The following GAN variants were observed in gnomAD, a reference collection of about 807,000 sequenced individuals.
The protein encoded by GAN is epididymis secretory sperm binding protein.
Under a neutral mutation model 71.3 loss-of-function variants are expected in GAN, and 48 were observed. The observed-to-expected ratio is 0.67, with a 90% CI of 0.53 to 0.86. The LOEUF is 0.86. Among genes scored for constraint, GAN ranks in the 40% least tolerant of loss-of-function variants. The pLI is 0.00. For synonymous variants in GAN, 386 were observed against 276.8 expected (o/e 1.39, Z -3.92); for missense variants, 928 against 770.1 (o/e 1.21, Z -2.43).
Position 81,351,606 on chromosome 16 carries a change from C to G in GAN, c.191C>G (p.Pro64Arg). 3 of 1,515,574 alleles carry G rather than the reference C, an allele frequency of 2.0e-6. No homozygotes were observed. Among genetic ancestry groups the G allele is most frequent in the Non-Finnish European group, 2.8e-6 (3 of 1,089,960 alleles). The allele number at this position is 1,515,574 out of a possible 1,614,324, so 93.9% of individuals were successfully genotyped here. A position where few individuals can be genotyped will look rare whatever the true frequency, so the allele number is the denominator to read the frequency against. The change falls in exon 2 of 11, where the codon CCA becomes CGA. Residue 64 changes from proline to arginine, a missense_variant. Physicochemically the swap from Pro to Arg is moderately radical, Grantham distance 103. Transcript: ENST00000648994. Reference protein sequence around the residue: ...YIRTKLNYNPPKDDGSTYKIE... With the variant: ...YIRTKLNYNPRKDDGSTYKIE... ...AGGACAAAGTTAAACTATAATCCTCCAAAAGATGATGGATCAACTTATAAG... is the reference window on the plus strand; with the variant it reads ...AGGACAAAGTTAAACTATAATCCTCGAAAAGATGATGGATCAACTTATAAG...
rs999114981 is a variant in GAN, at chr16:81,326,034, C to G, written c.167+10754C>G. The stretch of plus-strand genomic sequence containing the variant: ...CCCTTCCTCTGTAAGATTTTTCCAA[C>G]TCTGCCAAATAATCACTCCCTCCAG... On this transcript the variant is annotated intron_variant, in intron 1 of 10. Coordinates refer to ENST00000648994, the MANE Select transcript of GAN (RefSeq NM_022041.4). Among the ~76,000 whole-genome samples, 9 of 152,194 alleles carry G rather than the reference C, an allele frequency of 5.9e-5. No homozygotes were observed. In the East Asian group the frequency reaches 1.5e-3, roughly 26 times the overall value.
At chr16:81,333,382 C>G (rs1372208436) in intron 1 of GAN, among the ~76,000 whole-genome samples, 2 of 152,162 alleles carry the variant, frequency 1.3e-5, no homozygotes, top group East Asian at 3.8e-4. Context: ...TTAGTATCCA[C>G]TTCTGTTTTA....
In GAN at chr16:81,366,597, A is replaced by G. The variant is rs138955919; in HGVS notation, c.1502+1119A>G. On this transcript the variant is annotated intron_variant, in intron 9 of 10. Transcript: ENST00000648994. ...ATGAGGGCACGCAGTGAGCAGTTAC[A>G]AAGATGCTGCAAATGCATGTAAATG... 1.1e-4 allele frequency among the ~76,000 whole-genome samples: 17 copies of G among 152,368 alleles called. 1 individual carries two copies. The highest frequency in any genetic ancestry group is 9.1e-4 in the Admixed American group (14 of 15,308).
chr16:81,315,183 C>G lies in GAN; in HGVS notation c.70C>G (p.Arg24Gly). The change falls in exon 1 of 11, where the codon CGC becomes GGC. Residue 24 changes from arginine (R) to glycine (G), a missense_variant. Arg to Gly is a moderately radical substitution (Grantham distance 125). Transcript: ENST00000648994. ...ARLLRALSSF[R>G]EESRFCDAHL... ...TCTGCTGCGAGCGCTCAGCTCTTTC[C>G]GCGAGGAGTCTCGCTTCTGCGACGC... The G allele has an allele frequency of 6.4e-7, 1 of 1,572,502 alleles. No homozygotes were observed. The highest frequency in any genetic ancestry group is 8.6e-7 in the Non-Finnish European group (1 of 1,161,786).
chr16:81,358,044 G>C, intron 5 of GAN, 113 bp downstream of exon 5: 1 of 927,412 alleles, frequency 1.1e-6, no homozygotes, highest in Non-Finnish European at 1.7e-6. Context: ...ATCTCTACAT[G>C]ACATTTTTAG....
At chr16:81,361,563 G>C (rs1016169578) in intron 5 of GAN, among the ~76,000 whole-genome samples, 1 of 152,148 alleles carries the variant, frequency 6.6e-6, no homozygotes. Context: ...CAGGACAAAA[G>C]GTTTAAATTT....
At chr16:81,363,754 A>T (rs770981075) in intron 6 of GAN, 40 bp from the exon 7 acceptor site, 21 of 1,601,206 alleles carry the variant, frequency 1.3e-5, no homozygotes, top group Non-Finnish European at 1.8e-5. Context: ...CAATATGATC[A>T]TTGGCCTTGT....
intron 9 of GAN, among the ~76,000 whole-genome samples, chr16:81,368,164 G>T (rs183518183): frequency 2.6e-4 from 39 of 152,276 alleles, no homozygotes; most frequent in Admixed American, 2.5e-3. Context: ...TGCTTGAAAG[G>T]AAAGCAAAGA....
At chr16:81,331,315 A>T (rs892199288) in intron 1 of GAN, among the ~76,000 whole-genome samples, 1 of 152,240 alleles carries the variant, frequency 6.6e-6, no homozygotes, top group African/African-American at 2.4e-5. Context: ...ACTGTCACTG[A>T]TTAGAGACAA....
chr16:81,324,283 G>A (rs1185012826), intron 1 of GAN, among the ~76,000 whole-genome samples: 1 of 152,182 alleles, frequency 6.6e-6, no homozygotes, highest in African/African-American at 2.4e-5. Context: ...GGCTACCTGG[G>A]GAGGTGAGCA....
intron 9 of GAN, among the ~76,000 whole-genome samples, chr16:81,368,561 G>A (rs921115398): frequency 6.6e-6 from 1 of 152,190 alleles, no homozygotes; most frequent in Non-Finnish European, 1.5e-5. Context: ...AGTAGACCAT[G>A]ATCGTGCCAC....
At chr16:81,331,766 G>T (rs932032932) in intron 1 of GAN, among the ~76,000 whole-genome samples, 1 of 152,138 alleles carries the variant, frequency 6.6e-6, no homozygotes, top group African/African-American at 2.4e-5. Context: ...AATTTAAAAC[G>T]GTTTATTTGG....
In GAN at chr16:81,362,552, T is replaced by C. The variant is rs758279856; in HGVS notation, c.1027T>C (p.Ser343Pro). 2 of 1,611,234 alleles carry C rather than the reference T, an allele frequency of 1.2e-6. No individual in the cohort carries two copies. Among genetic ancestry groups the C allele is most frequent in the Non-Finnish European group, 1.7e-6 (2 of 1,177,322 alleles). ...AGATGAAAATAAGCAGACTCTTAGC[T>C]CAGGAGAAAAGTATGATCCAGATGC... ...GQDENKQTLS[S>P]GEKYDPDANT... is the part of the protein sequence containing the mutation. Residue 343 changes from serine to proline, a missense_variant, in exon 6 of 11, where the codon TCA becomes CCA. Coordinates refer to ENST00000648994, the MANE Select transcript of GAN (RefSeq NM_022041.4).
At chr16:81,324,571 G>T (rs939003897) in intron 1 of GAN, among the ~76,000 whole-genome samples, 5 of 152,148 alleles carry the variant, frequency 3.3e-5, no homozygotes, top group African/African-American at 1.2e-4. Context: ...CAACAGATTA[G>T]AGGCTGGGAA....
At chr16:81,368,111 G>A (rs1910920080) in intron 9 of GAN, among the ~76,000 whole-genome samples, 1 of 152,136 alleles carries the variant, frequency 6.6e-6, no homozygotes, top group South Asian at 2.1e-4. Flanking sequence ...TGGGAAAAAA[G>A]CCATATCTTA....
intron 1 of GAN, among the ~76,000 whole-genome samples, chr16:81,343,627 A>G (rs1342503318): frequency 6.6e-6 from 1 of 152,216 alleles, no homozygotes; most frequent in Non-Finnish European, 1.5e-5. Context: ...TCAACATAAT[A>G]AGACCTATTT....
At chr16:81,370,427 A>T (rs1475276047) in intron 9 of GAN, among the ~76,000 whole-genome samples, 1 of 152,276 alleles carries the variant, frequency 6.6e-6, no homozygotes, top group Non-Finnish European at 1.5e-5. Context: ...AATTACCACT[A>T]GTAAGAGACA....
intron 1 of GAN, among the ~76,000 whole-genome samples, chr16:81,320,303 G>A (rs1287600267): frequency 6.6e-6 from 1 of 152,212 alleles, no homozygotes; most frequent in East Asian, 1.9e-4. Context: ...GGGCACTAAA[G>A]TCCGTGAGTA....
rs1910237936 is a variant in GAN at position 81,349,747 on chromosome 16, A to G, written c.168-1836A>G. ...TGTTGACTTTATTGTAGAAGTCTGAATGCAAATAATGAGTTTAAATATTTG... is the reference window on the plus strand; with the variant it reads ...TGTTGACTTTATTGTAGAAGTCTGAGTGCAAATAATGAGTTTAAATATTTG... On this transcript the variant is annotated intron_variant, in intron 1 of 10. Transcript: ENST00000648994. Among the ~76,000 whole-genome samples, 3 of 152,248 alleles carry G rather than the reference A, an allele frequency of 2.0e-5. No individual in the cohort carries two copies. In the South Asian group the frequency reaches 6.2e-4, roughly 31 times the overall value.
Sources: allele counts gnomAD v4.1 joint callset (sites outside exome capture counted in the v4.1 genomes callset), GRCh38; gene constraint gnomAD v4.1.1; transcripts MANE v1.5; gene names NCBI Gene and HGNC (gene_info 2026-07-23, HGNC 2026-07-21).